GOLM1: variants seen among roughly 807,000 people sequenced by gnomAD.
GOLM1 encodes the protein golgi membrane protein 1.
Under a neutral mutation model 50.5 loss-of-function variants are expected in GOLM1, and 31 were observed. The ratio of observed to expected loss-of-function variants is 0.61; its 90% CI spans 0.46 to 0.83. GOLM1 has a LOEUF of 0.83. Among genes scored for constraint, GOLM1 ranks in the 40% least tolerant of loss-of-function variants. GOLM1 has a pLI of 0.00. For missense variants in GOLM1, 491 were observed against 501.3 expected (o/e 0.98, Z 0.20); for synonymous variants, 178 against 192.8 (o/e 0.92, Z 0.64).
chr9:86,076,420 T>TA, intron 3 of GOLM1, among the ~76,000 whole-genome samples: 1 of 9,568 alleles, frequency 1.0e-4, no homozygotes, highest in Admixed American at 2.1e-3. Context: ...AAACCCCATC[T>TA]CAAAAAAAAA....
chr9:86,100,092 C>G (rs774702001), upstream of GOLM1: 4 of 152,282 alleles, frequency 2.6e-5, no homozygotes, highest in Non-Finnish European at 5.9e-5. Context: ...TGTCACCGCT[C>G]AGGCCTTAGT....
Position 86,027,303 on chromosome 9 carries a change from CATTGATTG to C in GOLM1, c.*506_*513del, listed in dbSNP as rs543828213. 1 of 985,652 alleles carries C rather than the reference CATTGATTG, an allele frequency of 1.0e-6. No individual in the cohort carries two copies. Among genetic ancestry groups the C allele is most frequent in the Non-Finnish European group, 1.2e-6 (1 of 830,088 alleles). The allele number at this position is 985,652 out of a possible 1,614,324, so 61.1% of individuals were successfully genotyped here. A position where few individuals can be genotyped will look rare whatever the true frequency, so the allele number is the denominator to read the frequency against. ...TGTGTTAACAGTCAGTGCTCTAGGC[CATTGATTG>C]ATTGATTGTCAGAATCAGAAGTGAC... is the stretch of plus-strand genomic sequence containing the variant. On this transcript the variant is annotated 3_prime_UTR_variant, in exon 10 of 10. Transcript: ENST00000388712.
intron 9 of GOLM1, among the ~76,000 whole-genome samples, chr9:86,028,684 G>A (rs1387634407): frequency 6.6e-6 from 1 of 152,146 alleles, no homozygotes; most frequent in African/African-American, 2.4e-5. Context: ...TGGGGCTCCA[G>A]GAGCTGTAAC....
intron 1 of GOLM1, among the ~76,000 whole-genome samples, chr9:86,084,172 C>A (rs910971869): frequency 6.6e-6 from 1 of 152,198 alleles, no homozygotes; most frequent in South Asian, 2.1e-4. Flanking sequence ...GCATTATCAT[C>A]CCCATTTTGC....
In GOLM1 at chr9:86,035,507, TC is replaced by T. The variant is rs761864128; in HGVS notation, c.875del (p.Gly292GlufsTer17). On this transcript the variant is annotated frameshift_variant, in exon 8 of 10. Coordinates refer to ENST00000388712, the MANE Select transcript of GOLM1 (RefSeq NM_016548.4). LOFTEE classifies it high-confidence loss of function. ...GTGGGGTCTGGCCCAGTTCTCCGGC[TC>T]CCCCGAAGCCTCTTCCACCTACAGG... Reference protein sequence around the residue: ...DRPVGGRGFGGAGELGQTPQV... With the variant: ...DRPVGGRGFGXAGELGQTPQV... 1 of 1,612,140 alleles carries T rather than the reference TC, an allele frequency of 6.2e-7. No homozygotes were observed.
intron 3 of GOLM1, among the ~76,000 whole-genome samples, chr9:86,056,514 T>G (rs1833994179): frequency 6.7e-6 from 1 of 148,984 alleles, no homozygotes; most frequent in Non-Finnish European, 1.5e-5. Context: ...ATTTTTTTTT[T>G]TTTTTTTTTT....
At chr9:86,069,843 C>T (rs1834398033) in intron 3 of GOLM1, among the ~76,000 whole-genome samples, 1 of 152,142 alleles carries the variant, frequency 6.6e-6, no homozygotes, top group South Asian at 2.1e-4. Flanking sequence ...GTCCTTCTAC[C>T]CTTCTCTAAA....
At chr9:86,042,493 C>A (rs1564343257) in intron 5 of GOLM1, among the ~76,000 whole-genome samples, 1 of 125,620 alleles carries the variant, frequency 8.0e-6, no homozygotes, top group Non-Finnish European at 2.0e-5. Flanking sequence ...CACAATGTAC[C>A]ACACACAGAG....
chr9:86,093,333 C>T (rs1231412543), intron 1 of GOLM1, among the ~76,000 whole-genome samples: 2 of 149,758 alleles, frequency 1.3e-5, no homozygotes, highest in Non-Finnish European at 2.9e-5. Context: ...GCCAAGATTG[C>T]GCCACTCACT....
chr9:86,031,544 C>A (rs568084108), intron 9 of GOLM1, among the ~76,000 whole-genome samples: 1 of 149,322 alleles, frequency 6.7e-6, no homozygotes, highest in Non-Finnish European at 1.5e-5. Context: ...TCACTGCAAC[C>A]TCTGCCTCCC....
intron 1 of GOLM1, among the ~76,000 whole-genome samples, chr9:86,082,734 C>T (rs1207557359): frequency 6.6e-6 from 1 of 152,260 alleles, no homozygotes; most frequent in African/African-American, 2.4e-5. Context: ...GCCATCACAC[C>T]TGGCCCCCAG....
At chr9:86,075,162 C>A (rs1298917912) in intron 3 of GOLM1, among the ~76,000 whole-genome samples, 2 of 152,216 alleles carry the variant, frequency 1.3e-5, no homozygotes, top group Non-Finnish European at 2.9e-5. Context: ...CCAGATGAAT[C>A]TGCCCCGTCT....
At chr9:86,049,241 G>A (rs549072162) in intron 4 of GOLM1, among the ~76,000 whole-genome samples, 1 of 152,196 alleles carries the variant, frequency 6.6e-6, no homozygotes, top group Non-Finnish European at 1.5e-5. Context: ...TCTCTGTTTT[G>A]GTACCAGTAC....
chr9:86,067,656 T>G (rs1437873390), intron 3 of GOLM1, among the ~76,000 whole-genome samples: 2 of 152,150 alleles, frequency 1.3e-5, no homozygotes, highest in Non-Finnish European at 2.9e-5. Flanking sequence ...AGTGTACACC[T>G]AAAATTCATG....
intron 3 of GOLM1, among the ~76,000 whole-genome samples, chr9:86,063,069 A>G (rs1316620234): frequency 1.3e-5 from 2 of 152,114 alleles, no homozygotes; most frequent in Non-Finnish European, 2.9e-5. Context: ...ACTCCTGAAC[A>G]CTTAAGGAGA....
chr9:86,027,955 G>A (rs898432421), intron 9 of GOLM1, 62 bp from the exon 10 acceptor site: 35 of 977,170 alleles, frequency 3.6e-5, no homozygotes, highest in Non-Finnish European at 5.2e-5. Context: ...CCCTAGGCAG[G>A]TCCCATTTTC....
intron 5 of GOLM1, 33 bp downstream of exon 5, chr9:86,046,437 T>A (rs1833545006): frequency 7.7e-7 from 1 of 1,291,060 alleles, no homozygotes; most frequent in Non-Finnish European, 1.1e-6. Flanking sequence ...CCGTGCACCC[T>A]GCACTGTGGC....
chr9:86,026,603 C>CTTA lies in GOLM1; in HGVS notation c.*1211_*1213dup, dbSNP rs1187049587. The CTTA allele has an allele frequency of 7.1e-6, 7 of 979,570 alleles. No homozygotes were observed. The highest frequency in any genetic ancestry group is 8.5e-6 in the Non-Finnish European group (7 of 824,768). The allele number at this position is 979,570 out of a possible 1,614,324, so 60.7% of individuals were successfully genotyped here. On this transcript the variant is annotated 3_prime_UTR_variant, in exon 10 of 10. Transcript: ENST00000388712. ...ATCTCAAATCCTGTGGATCCTCCTA[C>CTTA]TTACCCCTTAGAGAGCCTTACTGGG...
At chr9:86,053,019 CACACA>C (rs1833815415) in intron 3 of GOLM1, among the ~76,000 whole-genome samples, 1 of 151,062 alleles carries the variant, frequency 6.6e-6, no homozygotes, top group South Asian at 2.1e-4. Flanking sequence ...CACACCACTC[CACACA>C]ACACCACGCC....
Sources: gnomAD v4.1 joint callset for allele counts (sites outside exome capture counted in the v4.1 genomes callset) on GRCh38, gnomAD v4.1.1 for gene constraint, MANE v1.5 for transcripts, NCBI Gene and HGNC (gene_info 2026-07-23, HGNC 2026-07-21) for gene names.